Variants in FAM169A observed in about 807,000 individuals in gnomAD.
FAM169A encodes soluble lamin-associated protein of 75 kDa.
FAM169A carries 24 observed loss-of-function variants against 75.7 expected under a neutral mutation model. The observed-to-expected ratio is 0.32, with a 90% confidence interval of 0.23 to 0.45. The LOEUF (loss-of-function observed/expected upper bound fraction) is 0.45. Among genes scored for constraint, FAM169A ranks in the 20% least tolerant of loss-of-function variants. The pLI, the probability that FAM169A is intolerant of heterozygous loss-of-function variation, is 1.00. For missense variants in FAM169A, 673 were observed against 784.0 expected (o/e 0.86, Z 1.69); for synonymous variants, 271 against 271.0 (o/e 1.00, Z 0.00).
rs752446456 is a variant in FAM169A at position 74,798,542 on chromosome 5, A to C, written c.1103+2338T>G. 3.7e-4 allele frequency among the ~76,000 whole-genome samples: 57 copies of C among 152,320 alleles called. 1 individual carries two copies. Among genetic ancestry groups the C allele is most frequent in the Non-Finnish European group, 4.0e-4 (27 of 68,022 alleles). On this transcript the variant is annotated intron_variant, in intron 10 of 12. Coordinates refer to ENST00000687041, the MANE Select transcript of FAM169A (RefSeq NM_001376049.1). ...AAAACATTTACATACTTTATTACCC[A>C]AATTTAAAATTATTTGTATAAGGAT...
At chr5:74,846,652 G>A (rs1274451938) in intron 1 of FAM169A, among the ~76,000 whole-genome samples, 1 of 152,178 alleles carries the variant, frequency 6.6e-6, no homozygotes, top group East Asian at 1.9e-4. Context: ...GAACTTTAGG[G>A]TAGCAAACAG....
rs549512371 is a variant in FAM169A, at chr5:74,811,876, T to C, written c.670+1964A>G. The stretch of plus-strand genomic sequence containing the variant: ...AGCAAACTGTAGAATTCATACAGTA[T>C]GTATTTATAGTTTTTAAATATATAA... On this transcript the variant is annotated intron_variant, in intron 6 of 12. Transcript: ENST00000687041. 5.3e-5 allele frequency among the ~76,000 whole-genome samples: 8 copies of C among 152,350 alleles called. No individual in the cohort carries two copies. The East Asian group carries it at 1.5e-3, about 29-fold the overall frequency.
At chr5:74,791,286 A>C (rs975081546) in intron 11 of FAM169A, among the ~76,000 whole-genome samples, 2 of 152,156 alleles carry the variant, frequency 1.3e-5, no homozygotes, top group Non-Finnish European at 2.9e-5. Context: ...TGTTTCTCCC[A>C]TAGCCAGGAT....
chr5:74,801,668 A>AT (rs767917262), intron 8 of FAM169A, 39 bp from the exon 9 acceptor site: 32 of 1,494,746 alleles, frequency 2.1e-5, no homozygotes, highest in East Asian at 1.8e-4. Flanking sequence ...GTTTTAGACT[A>AT]TTTTTTCTCC....
At chr5:74,795,121 G>A (rs909494494) in intron 11 of FAM169A, among the ~76,000 whole-genome samples, 5 of 152,006 alleles carry the variant, frequency 3.3e-5, no homozygotes, top group African/African-American at 1.2e-4. Flanking sequence ...AGCTGGGTAT[G>A]GTGGGGGGAA....
intron 2 of FAM169A, among the ~76,000 whole-genome samples, 157 bp downstream of exon 2, chr5:74,841,388 T>C (rs993987539): frequency 1.1e-4 from 16 of 152,216 alleles, no homozygotes; most frequent in African/African-American, 3.9e-4. Context: ...TTTTAAAAAC[T>C]GATCAACCAA....
At position 74,861,934 on chromosome 5, in the gene FAM169A, G is replaced by A. The variant is rs148523797; in HGVS notation, c.-4+4231C>T. On this transcript the variant is annotated intron_variant, in intron 1 of 12. Coordinates refer to ENST00000687041, the MANE Select transcript of FAM169A (RefSeq NM_001376049.1). ...CTCATTTTATAGCTAAAGAGGCCAA[G>A]CCTAAGTAACTATCCCTCATTTATA... Among the ~76,000 whole-genome samples, 149 of 152,328 alleles carry A rather than the reference G, an allele frequency of 9.8e-4. 1 individual carries two copies. Among genetic ancestry groups the A allele is most frequent in the Middle Eastern group, 3.4e-3 (1 of 294 alleles).
intron 5 of FAM169A, among the ~76,000 whole-genome samples, chr5:74,826,362 G>A (rs1748026582): frequency 6.6e-6 from 1 of 152,160 alleles, no homozygotes; most frequent in South Asian, 2.1e-4. Flanking sequence ...CTAATTAGAA[G>A]CTCTGTGTGT....
Position 74,821,833 on chromosome 5 carries a change from C to T in FAM169A, c.491-7814G>A, listed in dbSNP as rs1171566605. Among the ~76,000 whole-genome samples, 5 of 152,328 alleles carry T rather than the reference C, an allele frequency of 3.3e-5. No individual in the cohort carries two copies. In the East Asian group the frequency reaches 9.6e-4, roughly 29 times the overall value. On this transcript the variant is annotated intron_variant, in intron 5 of 12. Coordinates refer to ENST00000687041, the MANE Select transcript of FAM169A (RefSeq NM_001376049.1). ...AAAATTTATTTCCTATTTATCACAA[C>T]TCTCATAGGGCATCAGCTAGGGCAC...
chr5:74,843,518 A>G (rs1748992369), intron 1 of FAM169A, among the ~76,000 whole-genome samples: 1 of 152,188 alleles, frequency 6.6e-6, no homozygotes, highest in South Asian at 2.1e-4. Context: ...AAATACACAT[A>G]CCTATGGAAA....
At chr5:74,853,352 C>A (rs1041524981) in intron 1 of FAM169A, among the ~76,000 whole-genome samples, 5 of 152,218 alleles carry the variant, frequency 3.3e-5, no homozygotes, top group African/African-American at 1.2e-4. Flanking sequence ...CTCTACACAT[C>A]TCATTCCTCG....
intron 1 of FAM169A, among the ~76,000 whole-genome samples, chr5:74,863,253 T>C (rs1462997499): frequency 6.6e-6 from 1 of 152,226 alleles, no homozygotes; most frequent in African/African-American, 2.4e-5. Context: ...TTTTCCTTAA[T>C]AAATTCTACC....
chr5:74,845,647 A>C (rs1749116436), intron 1 of FAM169A, among the ~76,000 whole-genome samples: 1 of 152,234 alleles, frequency 6.6e-6, no homozygotes, highest in South Asian at 2.1e-4. Context: ...GAAAGCACAA[A>C]TTCATTTCAA....
At chr5:74,850,260 G>C (rs7728889) in intron 1 of FAM169A, among the ~76,000 whole-genome samples, 35,286 of 152,138 alleles carry the variant, frequency 0.23, 4,313 homozygotes, top group Middle Eastern at 0.3. Context: ...CCCGGCAGTC[G>C]GACTCCGATG....
intron 1 of FAM169A, among the ~76,000 whole-genome samples, chr5:74,857,458 G>A (rs1409663411): frequency 6.6e-6 from 1 of 151,334 alleles, no homozygotes; most frequent in Admixed American, 6.6e-5. Flanking sequence ...GGCTGAGGGA[G>A]AATGGCTTGA....
intron 10 of FAM169A, chr5:74,799,487 AAC>A (rs1746450149): frequency 1.1e-5 from 18 of 1,600,868 alleles, no homozygotes; most frequent in Non-Finnish European, 1.5e-5. Context: ...TGTGACTTCA[AAC>A]ACAGAGTGTT....
chr5:74,812,225 GCAA>G lies in FAM169A; in HGVS notation c.670+1612_670+1614del, dbSNP rs1404835590. On this transcript the variant is annotated intron_variant, in intron 6 of 12. Coordinates refer to ENST00000687041, the MANE Select transcript of FAM169A (RefSeq NM_001376049.1). ...TGCAGCTTTGACCTCCTGGGCTCAA[GCAA>G]TTCTCCCACTTCAGCCCCTCAAGTA... 9.3e-4 allele frequency among the ~76,000 whole-genome samples: 141 copies of G among 152,314 alleles called. 1 individual carries two copies. The highest frequency in any genetic ancestry group is 3.4e-3 in the Middle Eastern group (1 of 294).
chr5:74,794,170 G>A (rs369275835), intron 11 of FAM169A, among the ~76,000 whole-genome samples: 10 of 148,018 alleles, frequency 6.8e-5, no homozygotes, highest in South Asian at 6.5e-4. Context: ...CCGTCTCGGC[G>A]GATCATGAAG....
intron 5 of FAM169A, among the ~76,000 whole-genome samples, chr5:74,817,469 A>C (rs1401462046): frequency 1.3e-5 from 2 of 152,160 alleles, no homozygotes; most frequent in African/African-American, 4.8e-5. Flanking sequence ...AATAAATTTA[A>C]CAACAGACAT....
Sources: allele counts gnomAD v4.1 joint callset (sites outside exome capture counted in the v4.1 genomes callset), GRCh38; gene constraint gnomAD v4.1.1; transcripts MANE v1.5; gene names NCBI Gene and HGNC (gene_info 2026-07-23, HGNC 2026-07-21).